CNTN5: variants seen among roughly 807,000 people sequenced by gnomAD.
CNTN5 encodes contactin 5, also known as contactin-5.
A neutral mutation model predicts 129.1 loss-of-function variants in CNTN5; 77 were observed. The observed-to-expected ratio is 0.60, with a 90% CI of 0.50 to 0.72. CNTN5 has a LOEUF of 0.72. CNTN5 is among the 30% of genes least tolerant of loss of function. The pLI, the probability that CNTN5 is intolerant of heterozygous loss-of-function variation, is 0.00. For missense variants in CNTN5, 1,478 were observed against 1,328.8 expected (o/e 1.11, Z -1.75); for synonymous variants, 509 against 465.6 (o/e 1.09, Z -1.20).
intron 9 of CNTN5, among the ~76,000 whole-genome samples, chr11:100,033,219 A>G: frequency 6.6e-6 from 1 of 152,190 alleles, no homozygotes; most frequent in East Asian, 1.9e-4. Context: ...AATTAGGGAG[A>G]AGCACGGGAA....
At chr11:100,258,910 G>A (rs1412597475) in intron 17 of CNTN5, among the ~76,000 whole-genome samples, 4 of 152,096 alleles carry the variant, frequency 2.6e-5, no homozygotes, top group Non-Finnish European at 4.4e-5. Flanking sequence ...TAACCAGCTA[G>A]CATCATAATA....
intron 3 of CNTN5, among the ~76,000 whole-genome samples, chr11:99,738,631 GTGTGTGTGTGTA>G (rs1268103929): frequency 2.0e-5 from 3 of 151,072 alleles, no homozygotes; most frequent in African/African-American, 4.9e-5. Flanking sequence ...GTGTGTGTGT[GTGTGTGTGTGTA>G]TGTGTGTGTA....
chr11:99,611,404 T>C (rs1950589403), intron 3 of CNTN5, among the ~76,000 whole-genome samples: 1 of 152,176 alleles, frequency 6.6e-6, no homozygotes, highest in African/African-American at 2.4e-5. Flanking sequence ...TCAGGTTGAC[T>C]CAAGGGAGAT....
At chr11:99,276,989 A>T (rs1190120623) in intron 1 of CNTN5, among the ~76,000 whole-genome samples, 1 of 151,664 alleles carries the variant, frequency 6.6e-6, no homozygotes, top group African/African-American at 2.4e-5. Flanking sequence ...TTTAAAAAAC[A>T]ACTCTACTCA....
rs1176673295 is a variant in CNTN5, at chr11:99,314,524, A to AT, written c.-209-10818dup. On this transcript the variant is annotated intron_variant, in intron 1 of 24. Transcript: ENST00000524871. ...TATTTTCATCATTAAATAGTGAGAG[A>AT]TTTTACTGTCTAGACAAAGGAGAGA... 9.2e-5 allele frequency among the ~76,000 whole-genome samples: 14 copies of AT among 152,126 alleles called. 1 individual carries two copies. The East Asian group carries it at 2.5e-3, about 27-fold the overall frequency.
At chr11:99,769,124 C>A (rs921534556) in intron 3 of CNTN5, among the ~76,000 whole-genome samples, 1 of 151,872 alleles carries the variant, frequency 6.6e-6, no homozygotes, top group Non-Finnish European at 1.5e-5. Context: ...TTGCAATATT[C>A]TTTTTGATAC....
At chr11:99,551,051 A>C (rs1948464138) in intron 2 of CNTN5, among the ~76,000 whole-genome samples, 1 of 152,176 alleles carries the variant, frequency 6.6e-6, no homozygotes, top group Non-Finnish European at 1.5e-5. Flanking sequence ...AAAGCCTCCA[A>C]GAATCCTGCC....
intron 13 of CNTN5, among the ~76,000 whole-genome samples, chr11:100,139,895 G>A (rs770285055): frequency 6.6e-6 from 1 of 152,036 alleles, no homozygotes. Context: ...TTAATATTTA[G>A]AGAAAGCAAG....
chr11:100,293,965 G>GA (rs780701601), intron 18 of CNTN5, among the ~76,000 whole-genome samples: 8 of 150,756 alleles, frequency 5.3e-5, no homozygotes, highest in African/African-American at 9.7e-5. Context: ...AATTTGAGTA[G>GA]AAAAAAAAAT....
chr11:99,471,785 G>A (rs760060841), intron 2 of CNTN5, among the ~76,000 whole-genome samples: 3 of 152,010 alleles, frequency 2.0e-5, no homozygotes, highest in Admixed American at 6.6e-5. Flanking sequence ...TATCATGATA[G>A]TAACCACTCT....
intron 2 of CNTN5, among the ~76,000 whole-genome samples, chr11:99,408,915 C>A (rs1228812927): frequency 6.6e-6 from 1 of 152,110 alleles, no homozygotes; most frequent in Non-Finnish European, 1.5e-5. Flanking sequence ...CATTTTAAAT[C>A]ATGTATTCTT....
intron 3 of CNTN5, among the ~76,000 whole-genome samples, chr11:99,719,034 A>G (rs947992348): frequency 6.6e-6 from 1 of 152,152 alleles, no homozygotes; most frequent in African/African-American, 2.4e-5. Flanking sequence ...AGACCATAAC[A>G]GAGAGCGGGT....
At chr11:100,037,647 C>T (rs541248619) in intron 9 of CNTN5, among the ~76,000 whole-genome samples, 51 of 152,088 alleles carry the variant, frequency 3.4e-4, no homozygotes, top group Non-Finnish European at 5.9e-4. Flanking sequence ...AATTTCAGCT[C>T]CTGTTGTTGG....
At chr11:99,681,231 T>C (rs989971587) in intron 3 of CNTN5, among the ~76,000 whole-genome samples, 1 of 152,088 alleles carries the variant, frequency 6.6e-6, no homozygotes, top group Non-Finnish European at 1.5e-5. Flanking sequence ...TATATAAATT[T>C]AGTTAATAAA....
In CNTN5 at chr11:99,576,656, G is replaced by C. The variant is rs373363159; in HGVS notation, c.55+20387G>C. ...TAAACTGGGTGGCTTATAAACAATGGAAGTTTATTTCTTATATTTCTGGAA... is the reference window on the plus strand; with the variant it reads ...TAAACTGGGTGGCTTATAAACAATGCAAGTTTATTTCTTATATTTCTGGAA... On this transcript the variant is annotated intron_variant, in intron 3 of 24. Transcript: ENST00000524871. Among the ~76,000 whole-genome samples, 11 of 152,288 alleles carry C rather than the reference G, an allele frequency of 7.2e-5. 1 individual carries two copies. In the East Asian group the frequency reaches 1.4e-3, roughly 19 times the overall value.
At chr11:99,790,882 C>T (rs1460706784) in intron 3 of CNTN5, among the ~76,000 whole-genome samples, 2 of 151,792 alleles carry the variant, frequency 1.3e-5, no homozygotes, top group Non-Finnish European at 2.9e-5. Context: ...TCTTATTCTG[C>T]TTTTGATTTG....
intron 6 of CNTN5, among the ~76,000 whole-genome samples, chr11:99,876,273 C>T (rs1948630577): frequency 6.6e-6 from 1 of 152,106 alleles, no homozygotes; most frequent in African/African-American, 2.4e-5. Flanking sequence ...GGCCCTTTTT[C>T]CTAATCTGTT....
intron 6 of CNTN5, among the ~76,000 whole-genome samples, chr11:99,880,708 G>C (rs1322407789): frequency 6.6e-6 from 1 of 151,984 alleles, no homozygotes; most frequent in African/African-American, 2.4e-5. Flanking sequence ...CTCTGGCCTT[G>C]ACAAAAAATA....
intron 3 of CNTN5, among the ~76,000 whole-genome samples, chr11:99,569,985 AAAAG>A (rs1299479859): frequency 6.6e-6 from 1 of 152,280 alleles, no homozygotes; most frequent in East Asian, 1.9e-4. Context: ...TACTAAAGGC[AAAAG>A]AAAGAAAGTA....
Sources: gnomAD v4.1 joint callset for allele counts (sites outside exome capture counted in the v4.1 genomes callset) on GRCh38, gnomAD v4.1.1 for gene constraint, MANE v1.5 for transcripts, NCBI Gene and HGNC (gene_info 2026-07-23, HGNC 2026-07-21) for gene names.